Variants in SYT1 observed in about 807,000 individuals in gnomAD.
SYT1 encodes synaptotagmin 1.
Under a neutral mutation model 44.8 loss-of-function variants are expected in SYT1, and 8 were observed. The ratio of observed to expected loss-of-function variants is 0.18; its 90% CI spans 0.10 to 0.32. The LOEUF (loss-of-function observed/expected upper bound fraction) is 0.32, where lower values mean the gene tolerates loss of function less well. Among genes scored for constraint, SYT1 ranks in the 10% least tolerant of loss-of-function variants. The pLI, the probability that SYT1 is intolerant of heterozygous loss-of-function variation, is 1.00. For synonymous variants in SYT1, 154 were observed against 188.8 expected, an observed-to-expected ratio of 0.82 and a Z score of 1.51; for missense variants, 286 against 509.3, an observed-to-expected ratio of 0.56 and a Z score of 4.22.
At chr12:79,191,784 TAACCTCTGAG>T (rs971909893) in intron 3 of SYT1, among the ~76,000 whole-genome samples, 5 of 152,156 alleles carry the variant, frequency 3.3e-5, no homozygotes, top group African/African-American at 7.2e-5. Flanking sequence ...AATCCTCATG[TAACCTCTGAG>T]GACTTGCTGG....
At chr12:79,323,564 G>C (rs925748167) in intron 8 of SYT1, among the ~76,000 whole-genome samples, 4 of 152,124 alleles carry the variant, frequency 2.6e-5, no homozygotes, top group Non-Finnish European at 5.9e-5. Flanking sequence ...ACATTATAAA[G>C]AATTATGGCA....
intron 9 of SYT1, among the ~76,000 whole-genome samples, chr12:79,441,076 T>C (rs1870383734): frequency 6.6e-6 from 1 of 152,186 alleles, no homozygotes; most frequent in Non-Finnish European, 1.5e-5. Flanking sequence ...AATGTGCCCA[T>C]CCCAGGTACA....
At chr12:79,257,594 TCTC>T (rs1329145854) in intron 4 of SYT1, among the ~76,000 whole-genome samples, 1 of 151,890 alleles carries the variant, frequency 6.6e-6, no homozygotes, top group Non-Finnish European at 1.5e-5. Flanking sequence ...TTCACGCCAT[TCTC>T]CTGCCTCAGC....
intron 1 of SYT1, among the ~76,000 whole-genome samples, chr12:78,965,679 A>G (rs996260323): frequency 1.3e-5 from 2 of 152,200 alleles, no homozygotes; most frequent in African/African-American, 4.8e-5. Context: ...AATAAGTCCC[A>G]GAGCTGACAC....
chr12:78,974,521 C>T (rs1229552936), intron 1 of SYT1, among the ~76,000 whole-genome samples: 1 of 152,046 alleles, frequency 6.6e-6, no homozygotes, highest in African/African-American at 2.4e-5. Context: ...ACTGCAAGCT[C>T]TGCCTCCCGG....
chr12:79,269,715 A>G (rs1005701930), intron 4 of SYT1, among the ~76,000 whole-genome samples: 3 of 151,484 alleles, frequency 2.0e-5, no homozygotes, highest in Non-Finnish European at 4.4e-5. Flanking sequence ...CACACACACA[A>G]TGCACACACG....
intron 8 of SYT1, 54 bp downstream of exon 8, chr12:79,299,605 C>G (rs1880036957): frequency 2.5e-6 from 4 of 1,581,998 alleles, no homozygotes; most frequent in Non-Finnish European, 3.4e-6. Context: ...CCAGTTGCTG[C>G]TCATATAATA....
chr12:79,231,285 C>G (rs551659250), intron 4 of SYT1, among the ~76,000 whole-genome samples: 6 of 152,214 alleles, frequency 3.9e-5, no homozygotes, highest in African/African-American at 1.4e-4. Flanking sequence ...TTGATATCTT[C>G]TGAGTCCACG....
At chr12:79,092,500 C>G (rs1461394414) in intron 3 of SYT1, among the ~76,000 whole-genome samples, 2 of 150,786 alleles carry the variant, frequency 1.3e-5, no homozygotes, top group African/African-American at 4.9e-5. Context: ...CTGTAGATAG[C>G]TGAAAGAAAA....
At chr12:79,017,901 G>A (rs1426597884) in intron 2 of SYT1, among the ~76,000 whole-genome samples, 4 of 152,048 alleles carry the variant, frequency 2.6e-5, no homozygotes, top group Non-Finnish European at 5.9e-5. Context: ...AGGTGAAGAG[G>A]TCAGTAGGGA....
chr12:79,266,986 C>T (rs914451227), intron 4 of SYT1, among the ~76,000 whole-genome samples: 2 of 152,108 alleles, frequency 1.3e-5, no homozygotes, highest in Admixed American at 6.5e-5. Context: ...TGTTCTTCTC[C>T]ACCCAAGCAT....
chr12:79,378,085 A>G (rs923756631), intron 9 of SYT1, among the ~76,000 whole-genome samples: 3 of 152,158 alleles, frequency 2.0e-5, no homozygotes, highest in Non-Finnish European at 2.9e-5. Context: ...GCTCTTAACT[A>G]TATAAAATGC....
chr12:79,245,694 T>C (rs1245816), intron 4 of SYT1, among the ~76,000 whole-genome samples: 107,213 of 151,268 alleles, frequency 0.71, 38,498 homozygotes, highest in African/African-American at 0.79. Context: ...GGAAATCCCT[T>C]AAACTAGCTT....
chr12:79,234,707 TC>T (rs1245296003), intron 4 of SYT1, among the ~76,000 whole-genome samples: 7 of 74,704 alleles, frequency 9.4e-5, no homozygotes, highest in African/African-American at 3.9e-4. Flanking sequence ...TTTCTTTCTT[TC>T]TTTCTTTTTT....
At chr12:79,349,021 AAG>A (rs1432377215) in intron 8 of SYT1, among the ~76,000 whole-genome samples, 3 of 137,222 alleles carry the variant, frequency 2.2e-5, no homozygotes, top group Non-Finnish European at 4.7e-5. Context: ...GAAAGAAAGA[AAG>A]AAAGAAAGAA....
At chr12:79,120,751 A>T (rs1879551449) in intron 3 of SYT1, among the ~76,000 whole-genome samples, 1 of 152,086 alleles carries the variant, frequency 6.6e-6, no homozygotes, top group Non-Finnish European at 1.5e-5. Context: ...TAAATGTCTC[A>T]TTCTTACAGC....
At chr12:78,903,181 CT>C (rs1053183994) in intron 1 of SYT1, among the ~76,000 whole-genome samples, 8 of 151,334 alleles carry the variant, frequency 5.3e-5, no homozygotes, top group Non-Finnish European at 7.4e-5. Flanking sequence ...AATGTAGATA[CT>C]TTTTTGTGTT....
intron 3 of SYT1, among the ~76,000 whole-genome samples, chr12:79,210,369 C>G (rs1874366710): frequency 6.6e-6 from 1 of 151,990 alleles, no homozygotes; most frequent in Non-Finnish European, 1.5e-5. Context: ...GTATACATTG[C>G]ACCATATTTG....
intron 3 of SYT1, among the ~76,000 whole-genome samples, chr12:79,097,316 C>T (rs2138032206): frequency 6.6e-6 from 1 of 152,086 alleles, no homozygotes; most frequent in Non-Finnish European, 1.5e-5. Context: ...CCTAGTCCGT[C>T]TTAACTAGTC....
Sources: gnomAD v4.1 joint callset for allele counts (sites outside exome capture counted in the v4.1 genomes callset) on GRCh38, gnomAD v4.1.1 for gene constraint, MANE v1.5 for transcripts, NCBI Gene and HGNC (gene_info 2026-07-23, HGNC 2026-07-21) for gene names.